Variants in STX1A observed in about 807,000 individuals in gnomAD.
The protein encoded by STX1A is syntaxin 1A.
STX1A carries 4 observed loss-of-function variants against 37.8 expected under a neutral mutation model. The observed-to-expected ratio is 0.11, with a 90% CI of 0.05 to 0.24. STX1A has a LOEUF of 0.24. Ranked by LOEUF, STX1A falls within the 10% of genes least tolerant of loss-of-function variation. STX1A has a pLI of 1.00. For synonymous variants in STX1A, 135 were observed against 147.4 expected (o/e 0.92, Z 0.61); for missense variants, 251 against 399.9 (o/e 0.63, Z 3.18).
chr7:73,710,485 G>C (rs1183267044), intron 1 of STX1A, among the ~76,000 whole-genome samples: 1 of 152,136 alleles, frequency 6.6e-6, no homozygotes, highest in African/African-American at 2.4e-5. Context: ...GAGTGCAGTG[G>C]TGTGATCTTG....
rs1260894949 is a variant in STX1A at position 73,699,698 on chromosome 7, C to A, written c.*709G>T. 13 of 153,012 alleles carry A rather than the reference C, an allele frequency of 8.5e-5. No individual in the cohort carries two copies. Among genetic ancestry groups the A allele is most frequent in the African/African-American group, 3.1e-4 (13 of 41,440 alleles). The allele number at this position is 153,012 out of a possible 1,614,324, so 9.5% of individuals were successfully genotyped here. ...GGACTGACTGCAGCCTGCTTTGCCT[C>A]CCTAGCTGCTGGGGTGGCTGGAAAT... On this transcript the variant is annotated 3_prime_UTR_variant, in exon 10 of 10. Coordinates refer to ENST00000222812, the MANE Select transcript of STX1A (RefSeq NM_004603.4).
At chr7:73,715,588 G>C (rs1799264452) in intron 1 of STX1A, among the ~76,000 whole-genome samples, 1 of 152,072 alleles carries the variant, frequency 6.6e-6, no homozygotes, top group African/African-American at 2.4e-5. Flanking sequence ...GGCAGCCCTG[G>C]TGGTCTCTCC....
In STX1A at chr7:73,701,509, A is replaced by G. The variant is rs75752201; in HGVS notation, c.679-669T>C. On this transcript the variant is annotated intron_variant, in intron 8 of 9. Coordinates refer to ENST00000222812, the MANE Select transcript of STX1A (RefSeq NM_004603.4). ...TGCACTCCAGCCTGATGACAGAGTG[A>G]GACTCCGTCTCAAAAAAAGAAAAAG... 5.7e-4 allele frequency among the ~76,000 whole-genome samples: 86 copies of G among 151,658 alleles called. No individual in the cohort carries two copies. The East Asian group carries it at 0.015, about 26-fold the overall frequency.
Position 73,709,115 on chromosome 7 carries a change from T to A in STX1A, c.38A>T (p.Asp13Val), listed in dbSNP as rs782202692. 4 of 1,613,398 alleles carry A rather than the reference T, an allele frequency of 2.5e-6. No homozygotes were observed. Among genetic ancestry groups the A allele is most frequent in the Non-Finnish European group, 3.4e-6 (4 of 1,179,990 alleles). Residue 13 changes from aspartate to valine, a missense_variant, in exon 2 of 10, where the codon GAC (aspartate) becomes GTC (valine). Asp to Val is a radical substitution (Grantham distance 152, BLOSUM62 -3). Coordinates refer to ENST00000222812, the MANE Select transcript of STX1A (RefSeq NM_004603.4). This position sits in a 1 kb window ranked among gnomAD's most constrained non-coding sequence, Gnocchi z 4.2. Reference protein sequence around the residue: ...DRTQELRTAKDSDDDDDVAVT... With the variant: ...DRTQELRTAKVSDDDDDVAVT... ...AGCGACATCATCATCATCATCGCTG[T>A]CCTTGGCCTGTGCGGGGTTGTGCAC...
chr7:73,716,223 C>T (rs1279928569), intron 1 of STX1A, among the ~76,000 whole-genome samples: 3 of 152,238 alleles, frequency 2.0e-5, no homozygotes, highest in Admixed American at 6.5e-5. Flanking sequence ...CGAGCCCTGT[C>T]CGGCTCCTGT....
intron 5 of STX1A, 46 bp from the exon 6 acceptor site, chr7:73,704,302 C>G: frequency 6.2e-7 from 1 of 1,613,596 alleles, no homozygotes; most frequent in Non-Finnish European, 8.5e-7. Context: ...CTGCGGGGAC[C>G]GACCCAGAGA....
chr7:73,708,763 G>C, intron 2 of STX1A, 75 bp from the exon 3 acceptor site: 1 of 1,487,236 alleles, frequency 6.7e-7, no homozygotes, highest in South Asian at 1.2e-5. Context: ...ATGGCCCAGA[G>C]TAGGGCTGCG....
rs1349607814 is a variant in STX1A, at chr7:73,715,437, A to AC, written c.30+4164dup. On this transcript the variant is annotated intron_variant, in intron 1 of 9. Coordinates refer to ENST00000222812, the MANE Select transcript of STX1A (RefSeq NM_004603.4). ...CTCCGTCTAAAAAAACAAAAAAAAAACCAACAAAAAACACCACCTCCAACC... is the reference window on the plus strand; with the variant it reads ...CTCCGTCTAAAAAAACAAAAAAAAAACCCAACAAAAAACACCACCTCCAACC... Among the ~76,000 whole-genome samples the AC allele has an allele frequency of 3.9e-5, 6 of 151,994 alleles. No homozygotes were observed. In the East Asian group the frequency reaches 9.7e-4, roughly 25 times the overall value.
rs772032378 is a variant in STX1A at position 73,704,597 on chromosome 7, C to T, written c.284-174G>A. The T allele has an allele frequency of 6.3e-4, 459 of 723,874 alleles. 3 individuals are homozygous for T. The highest frequency in any genetic ancestry group is 1.5e-3 in the South Asian group (85 of 58,110). 44.8% of individuals were successfully genotyped at this position (723,874 alleles called of 1,614,324 possible). A position where few individuals can be genotyped will look rare whatever the true frequency, so the allele number is the denominator to read the frequency against. On this transcript the variant is annotated intron_variant, in intron 4 of 9. Transcript: ENST00000222812. ...GAGGGGCCTACAGAAGCCCTTCCAG[C>T]TGTGACGCTGTGTGGTGTGTGCATG...
chr7:73,703,634 C>T, intron 7 of STX1A, 121 bp downstream of exon 7: 1 of 1,185,708 alleles, frequency 8.4e-7, no homozygotes, highest in Non-Finnish European at 1.2e-6. Flanking sequence ...ACTCTTCCTT[C>T]CCTAAAACCT....
At position 73,704,209 on chromosome 7, in the gene STX1A, G is replaced by A. The variant is rs145216913; in HGVS notation, c.405C>T (p.Asn135=). ...GCTCGCGGTAGTCGGACTGCGTGGC[G>A]TTGTACTCCGACATGACCTCCACAA... ...RKFVEVMSEY[N]ATQSDYRERC... is the part of the protein sequence containing the mutation. The change falls in exon 6 of 10, where the codon AAC becomes AAT. Residue 135 remains asparagine, a synonymous_variant. Coordinates refer to ENST00000222812, the MANE Select transcript of STX1A (RefSeq NM_004603.4). The A allele has an allele frequency of 4.2e-5, 68 of 1,613,608 alleles. No homozygotes were observed. Among genetic ancestry groups the A allele is most frequent in the Non-Finnish European group, 5.7e-5 (67 of 1,180,006 alleles).
chr7:73,705,300 A>AG lies in STX1A; in HGVS notation c.209-77dup. On this transcript the variant is annotated intron_variant, in intron 3 of 9. Coordinates refer to ENST00000222812, the MANE Select transcript of STX1A (RefSeq NM_004603.4). The surrounding 1 kb of genome is among the most constrained non-coding windows in gnomAD (Gnocchi z 5.2). ...GATGTGCAGGCTCAGCCTCCAGCCC[A>AG]GGGGGCCCAGTGGGAGGCTCTGGGA... 7.9e-7 allele frequency: 1 copy of AG among 1,261,236 alleles called. No individual in the cohort carries two copies. The highest frequency in any genetic ancestry group is 1.7e-5 in the Admixed American group (1 of 59,366). 78.1% of individuals were successfully genotyped at this position (1,261,236 alleles called of 1,614,324 possible).
Position 73,709,258 on chromosome 7 carries a change from C to T in STX1A, c.31-136G>A, listed in dbSNP as rs1446878490. ...GCCTCTGGGCAGGGACAAGAACAGG[C>T]CTGGCTGTTCCGCTCCCAGCCACAG... On this transcript the variant is annotated intron_variant, in intron 1 of 9. Coordinates refer to ENST00000222812, the MANE Select transcript of STX1A (RefSeq NM_004603.4). The surrounding 1 kb of genome is among the most constrained non-coding windows in gnomAD (Gnocchi z 4.2). 1 of 780,956 alleles carries T rather than the reference C, an allele frequency of 1.3e-6. No homozygotes were observed. The highest frequency in any genetic ancestry group is 2.7e-5 in the East Asian group (1 of 37,262). The allele number at this position is 780,956 out of a possible 1,614,324, so 48.4% of individuals were successfully genotyped here. A position where few individuals can be genotyped will look rare whatever the true frequency, so the allele number is the denominator to read the frequency against.
Position 73,709,111 on chromosome 7 carries a change from G to A in STX1A, c.42C>T (p.Ser14=), listed in dbSNP as rs782616434. The A allele has an allele frequency of 1.5e-5, 25 of 1,613,206 alleles. No individual in the cohort carries two copies. The highest frequency in any genetic ancestry group is 1.7e-5 in the Non-Finnish European group (20 of 1,179,986). Residue 14 remains serine, a synonymous_variant, in exon 2 of 10, where the codon AGC becomes AGT. Coordinates refer to ENST00000222812, the MANE Select transcript of STX1A (RefSeq NM_004603.4). The surrounding 1 kb of genome is among the most constrained non-coding windows in gnomAD (Gnocchi z 4.2). ...TGACAGCGACATCATCATCATCATC[G>A]CTGTCCTTGGCCTGTGCGGGGTTGT... ...RTQELRTAKD[S]DDDDDVAVTV...
intron 8 of STX1A, among the ~76,000 whole-genome samples, chr7:73,701,979 A>G (rs1798676205): frequency 1.3e-5 from 2 of 152,080 alleles, no homozygotes. Flanking sequence ...GAGACCGCAA[A>G]TTCCCCAGCA....
In STX1A at chr7:73,705,353, G is replaced by T; in HGVS notation, c.209-129C>A. 1.3e-6 allele frequency: 1 copy of T among 768,828 alleles called. No homozygotes were observed. The highest frequency in any genetic ancestry group is 2.2e-6 in the Non-Finnish European group (1 of 456,342). The allele number at this position is 768,828 out of a possible 1,614,324, so 47.6% of individuals were successfully genotyped here. On this transcript the variant is annotated intron_variant, in intron 3 of 9. Coordinates refer to ENST00000222812, the MANE Select transcript of STX1A (RefSeq NM_004603.4). The surrounding 1 kb of genome is among the most constrained non-coding windows in gnomAD (Gnocchi z 5.2). Reference sequence around the variant, plus strand: ...ATCCCTGTTCTCCCCTGTTCCCCTGGCTAAGGCTCTGCCTGCCCGCCCCCC... The same window carrying T: ...ATCCCTGTTCTCCCCTGTTCCCCTGTCTAAGGCTCTGCCTGCCCGCCCCCC...
chr7:73,702,593 T>G lies in STX1A; in HGVS notation c.678+252A>C, dbSNP rs549718975. 160 of 1,161,982 alleles carry G rather than the reference T, an allele frequency of 1.4e-4. No homozygotes were observed. The African/African-American group carries it at 2.1e-3, about 15-fold the overall frequency. 72.0% of individuals were successfully genotyped at this position (1,161,982 alleles called of 1,614,324 possible). On this transcript the variant is annotated intron_variant, in intron 8 of 9. Coordinates refer to ENST00000222812, the MANE Select transcript of STX1A (RefSeq NM_004603.4). This position sits in a 1 kb window ranked among gnomAD's most constrained non-coding sequence, Gnocchi z 4.7. ...CCATGAGGAAACAGTAGTAGGGGAA[T>G]GAGAGACGGCGGGGTATAGAGGGTG...
At chr7:73,708,568 T>TC in intron 3 of STX1A, 21 bp downstream of exon 3, 2 of 1,607,540 alleles carry the variant, frequency 1.2e-6, no homozygotes, top group East Asian at 2.2e-5. Flanking sequence ...CTGAAACCCG[T>TC]CCCCCGCCCC....
intron 8 of STX1A, among the ~76,000 whole-genome samples, chr7:73,701,628 G>T (rs1303959868): frequency 1.3e-5 from 2 of 152,096 alleles, no homozygotes; most frequent in African/African-American, 4.8e-5. Flanking sequence ...ATCTGACCAT[G>T]ACACTGCCCC....
Sources: gnomAD v4.1 joint callset for allele counts (sites outside exome capture counted in the v4.1 genomes callset) on GRCh38, gnomAD v4.1.1 for gene constraint, Gnocchi (gnomAD v3.1) non-coding constraint, MANE v1.5 for transcripts, NCBI Gene and HGNC (gene_info 2026-07-23, HGNC 2026-07-21) for gene names.